The following C12orf42 variants were observed in gnomAD, a reference collection of about 807,000 sequenced individuals.
The protein encoded by C12orf42 is uncharacterized protein C12orf42.
In C12orf42, 25 loss-of-function variants were observed where a neutral mutation model predicts 21.6. That is an observed-to-expected ratio of 1.16 (90% confidence interval 0.84 to 1.62). C12orf42 has a LOEUF of 1.62. Among genes scored for constraint, C12orf42 ranks in the 40% most tolerant of loss-of-function variants. C12orf42 has a pLI of 0.00. For synonymous variants in C12orf42, 174 were observed against 175.0 expected (o/e 0.99, Z 0.05); for missense variants, 483 against 459.3 (o/e 1.05, Z -0.47).
chr12:103,325,549 A>G (rs570136913), intron 4 of C12orf42, among the ~76,000 whole-genome samples: 55 of 152,342 alleles, frequency 3.6e-4, no homozygotes, highest in Non-Finnish European at 6.5e-4. Flanking sequence ...GTCTTGCCAT[A>G]CTAAGGTTGA....
chr12:103,348,222 G>T (rs1593543213), intron 4 of C12orf42, among the ~76,000 whole-genome samples: 1 of 152,220 alleles, frequency 6.6e-6, no homozygotes, highest in Non-Finnish European at 1.5e-5. Flanking sequence ...GTCTATCCCA[G>T]AACCTAGAGA....
At chr12:103,147,701 G>T in the C12orf42 span, among the ~76,000 whole-genome samples, 1 of 146,992 alleles carries the variant, frequency 6.8e-6, no homozygotes, top group East Asian at 2.0e-4. Flanking sequence ...ATTGTGTGAG[G>T]CTGGTGTTCA....
intron 5 of C12orf42, among the ~76,000 whole-genome samples, chr12:103,270,843 T>A (rs1470935155): frequency 6.7e-6 from 1 of 148,798 alleles, no homozygotes; most frequent in East Asian, 1.9e-4. Flanking sequence ...CCAAAATATG[T>A]CAGATTGATA....
intron 4 of C12orf42, among the ~76,000 whole-genome samples, chr12:103,342,199 A>G (rs2042225837): frequency 6.6e-6 from 1 of 152,186 alleles, no homozygotes. Context: ...ACTTGAGTTT[A>G]TGGGCTCCTC....
chr12:103,291,551 T>C (rs1350484603), intron 4 of C12orf42, among the ~76,000 whole-genome samples: 1 of 152,164 alleles, frequency 6.6e-6, no homozygotes, highest in Non-Finnish European at 1.5e-5. Context: ...GCTGACTAGC[T>C]ATACTTAATA....
At chr12:103,192,354 T>G in the C12orf42 span, among the ~76,000 whole-genome samples, 4 of 151,832 alleles carry the variant, frequency 2.6e-5, no homozygotes, top group African/African-American at 9.7e-5. Context: ...AATACATAAA[T>G]TAGCTGGGTG....
At chr12:103,496,855 T>C (rs551080679), upstream of C12orf42, among the ~76,000 whole-genome samples, 6 of 145,304 alleles carry the variant, frequency 4.1e-5, no homozygotes, top group Admixed American at 3.7e-4. Context: ...GACTCTTGAG[T>C]CTTGTTAGAT....
At chr12:103,173,829 A>G in the C12orf42 span, among the ~76,000 whole-genome samples, 1 of 151,986 alleles carries the variant, frequency 6.6e-6, no homozygotes, top group African/African-American at 2.4e-5. Context: ...AGATTCATTC[A>G]CTGCAGGAAC....
At chr12:103,468,378 G>A (rs1051656545) in intron 2 of C12orf42, among the ~76,000 whole-genome samples, 1 of 152,162 alleles carries the variant, frequency 6.6e-6, no homozygotes, top group Non-Finnish European at 1.5e-5. Context: ...GACTCACTGG[G>A]TGTGTATCGT....
intron 4 of C12orf42, among the ~76,000 whole-genome samples, chr12:103,362,617 G>C (rs2044217971): frequency 6.6e-6 from 1 of 150,956 alleles, no homozygotes; most frequent in Non-Finnish European, 1.5e-5. Context: ...GAAATGAAGG[G>C]AGAAATCCTC....
chr12:103,250,695 C>A (rs1008278732), intron 10 of C12orf42, among the ~76,000 whole-genome samples: 1 of 152,112 alleles, frequency 6.6e-6, no homozygotes. Context: ...ATAGCAGTCA[C>A]GTGACTTCAA....
the C12orf42 span, among the ~76,000 whole-genome samples, chr12:103,509,994 C>T: frequency 6.6e-6 from 1 of 152,130 alleles, no homozygotes; most frequent in Non-Finnish European, 1.5e-5. Flanking sequence ...TCCAGCAATC[C>T]CACTACTGGG....
chr12:103,375,820 T>C (rs2045644814), intron 3 of C12orf42, among the ~76,000 whole-genome samples: 1 of 152,224 alleles, frequency 6.6e-6, no homozygotes, highest in African/African-American at 2.4e-5. Flanking sequence ...TTTTTAAGGC[T>C]AAGCCTTACA....
chr12:103,493,462 G>A (rs1329952890), intron 1 of C12orf42, among the ~76,000 whole-genome samples: 1 of 151,970 alleles, frequency 6.6e-6, no homozygotes, highest in African/African-American at 2.4e-5. Flanking sequence ...CAGGATCCCT[G>A]AAGCTCTTTT....
At chr12:103,331,487 G>GT (rs1272652910) in intron 4 of C12orf42, among the ~76,000 whole-genome samples, 1 of 152,186 alleles carries the variant, frequency 6.6e-6, no homozygotes, top group Non-Finnish European at 1.5e-5. Context: ...GGCAGAGACT[G>GT]TGCAAGGTTC....
At chr12:103,416,493 G>T (rs569423716) in intron 2 of C12orf42, among the ~76,000 whole-genome samples, 1 of 152,090 alleles carries the variant, frequency 6.6e-6, no homozygotes, top group South Asian at 2.1e-4. Flanking sequence ...GGCAATACAG[G>T]AATGATAAAT....
At chr12:103,290,554 G>A (rs1294052170) in intron 4 of C12orf42, among the ~76,000 whole-genome samples, 1 of 152,180 alleles carries the variant, frequency 6.6e-6, no homozygotes, top group Non-Finnish European at 1.5e-5. Flanking sequence ...TAACCTAGAG[G>A]AGGTGTGGGA....
intron 3 of C12orf42, among the ~76,000 whole-genome samples, chr12:103,391,075 G>A (rs1316564575): frequency 6.6e-6 from 1 of 151,978 alleles, no homozygotes; most frequent in East Asian, 1.9e-4. Context: ...TTCGTGTCTG[G>A]TTTATTTTAC....
At chr12:103,504,776 G>T in the C12orf42 span, 2 of 153,992 alleles carry the variant, frequency 1.3e-5, no homozygotes, top group South Asian at 3.7e-4. Context: ...TGCCAGGCCT[G>T]AGACATGCTG....
Sources: gnomAD v4.1 joint callset for allele counts (sites outside exome capture counted in the v4.1 genomes callset) on GRCh38, gnomAD v4.1.1 for gene constraint, MANE v1.5 for transcripts, NCBI Gene and HGNC (gene_info 2026-07-23, HGNC 2026-07-21) for gene names.